Variants in LEPR observed in about 807,000 individuals in gnomAD.
LEPR encodes the protein OB receptor.
Under a neutral mutation model 114.7 loss-of-function variants are expected in LEPR, and 56 were observed. That is an observed-to-expected ratio of 0.49 (90% confidence interval 0.39 to 0.61). The LOEUF is 0.61. LEPR is among the 20% of genes least tolerant of loss of function. The probability of loss-of-function intolerance (pLI) is 0.00; values close to 1 mark genes in which losing one functional copy is unlikely to be tolerated. For synonymous variants in LEPR, 443 were observed against 461.4 expected (o/e 0.96, Z 0.51); for missense variants, 1,202 against 1,352.9 (o/e 0.89, Z 1.75).
chr1:65,483,134 C>G (rs1204634942), intron 2 of LEPR, among the ~76,000 whole-genome samples: 2 of 152,110 alleles, frequency 1.3e-5, no homozygotes, highest in South Asian at 2.1e-4. Context: ...CATTAAGAAC[C>G]TCTGTTCATC....
chr1:65,477,239 A>G (rs1647169625), intron 2 of LEPR, among the ~76,000 whole-genome samples: 1 of 151,990 alleles, frequency 6.6e-6, no homozygotes, highest in African/African-American at 2.4e-5. Context: ...TTACTTTTTA[A>G]TTTACTTTGC....
chr1:65,463,387 T>G (rs1646970455), intron 2 of LEPR, among the ~76,000 whole-genome samples: 1 of 152,236 alleles, frequency 6.6e-6, no homozygotes, highest in East Asian at 1.9e-4. Context: ...TCTATATCTC[T>G]GTTTTGGTAC....
chr1:65,494,805 C>A (rs887262245), intron 2 of LEPR, among the ~76,000 whole-genome samples: 19 of 152,066 alleles, frequency 1.2e-4, no homozygotes, highest in Non-Finnish European at 1.9e-4. Context: ...GGAAATATCA[C>A]AACCCTTCCA....
rs937591370 is a variant in LEPR at position 65,601,849 on chromosome 1, A to G, written c.1292A>G (p.Asn431Ser). Residue 431 changes from asparagine (N) to serine (S), a missense_variant, in exon 10 of 20, where the codon AAT becomes AGT. By Grantham distance (46) the Asn-to-Ser change is conservative. Transcript: ENST00000349533. Reference protein sequence around the residue: ...RYAELYVIDVNINISCETDGY... With the variant: ...RYAELYVIDVSINISCETDGY... ...TTTAATATGTTTCAAATAGATGTCA[A>G]TATCAATATCTCATGTGAAACTGAT... 25 of 1,612,370 alleles carry G rather than the reference A, an allele frequency of 1.6e-5. No homozygotes were observed. The highest frequency in any genetic ancestry group is 1.9e-5 in the Non-Finnish European group (22 of 1,178,702).
At chr1:65,472,770 T>C (rs1647103910) in intron 2 of LEPR, among the ~76,000 whole-genome samples, 1 of 152,094 alleles carries the variant, frequency 6.6e-6, no homozygotes, top group African/African-American at 2.4e-5. Context: ...TTGTCCGGCT[T>C]CTGGAAAGGA....
chr1:65,465,662 G>A (rs1477268761), intron 2 of LEPR, among the ~76,000 whole-genome samples: 2 of 152,150 alleles, frequency 1.3e-5, no homozygotes. Flanking sequence ...GGGAGTCTAA[G>A]TCTCTTTGTA....
intron 4 of LEPR, 35 bp downstream of exon 4, chr1:65,570,837 A>AT: frequency 6.7e-7 from 1 of 1,481,494 alleles, no homozygotes. Flanking sequence ...GTATTGAACA[A>AT]TGTTTTTTAA....
chr1:65,455,040 C>T (rs1427141156), intron 2 of LEPR, among the ~76,000 whole-genome samples: 3 of 152,204 alleles, frequency 2.0e-5, no homozygotes, highest in Non-Finnish European at 4.4e-5. Context: ...ACTTCATCTT[C>T]CATCGCTGAT....
chr1:65,497,107 A>G (rs1397188297), intron 2 of LEPR, among the ~76,000 whole-genome samples: 1 of 152,124 alleles, frequency 6.6e-6, no homozygotes, highest in Non-Finnish European at 1.5e-5. Context: ...AACATTTCTT[A>G]AGAGCATATT....
At chr1:65,485,863 C>T (rs1175974474) in intron 2 of LEPR, among the ~76,000 whole-genome samples, 3 of 152,040 alleles carry the variant, frequency 2.0e-5, no homozygotes, top group South Asian at 2.1e-4. Context: ...TGGGGAATGA[C>T]GTAATTAAGC....
At chr1:65,456,311 A>G (rs918866710) in intron 2 of LEPR, among the ~76,000 whole-genome samples, 2 of 151,806 alleles carry the variant, frequency 1.3e-5, no homozygotes, top group African/African-American at 4.8e-5. Flanking sequence ...TCCTCCCCCC[A>G]TAGATGTTAA....
At chr1:65,571,654 TA>T (rs377763359) in intron 4 of LEPR, among the ~76,000 whole-genome samples, 2,052 of 131,190 alleles carry the variant, frequency 0.016, 29 homozygotes, top group African/African-American at 0.041. Flanking sequence ...TGTCTAATGT[TA>T]AAAAAAAAAA....
At position 65,488,159 on chromosome 1, in the gene LEPR, CCTTTCTTTCTTT is replaced by C. The variant is rs71058410; in HGVS notation, c.-21+62824_-21+62835del. On this transcript the variant is annotated intron_variant, in intron 2 of 19. Coordinates refer to ENST00000349533, the MANE Select transcript of LEPR (RefSeq NM_002303.6). ...CCTCCCTCTCCTTCCTTCCTTCCTT[CCTTTCTTTCTTT>C]CTTTCTTTCTTTCTTTCTTTCTTTC... 5.7e-3 allele frequency among the ~76,000 whole-genome samples: 370 copies of C among 65,474 alleles called. 3 individuals carry two copies. The highest frequency in any genetic ancestry group is 7.4e-3 in the Non-Finnish European group (278 of 37,628). 43.0% of individuals were successfully genotyped at this position (65,474 alleles called of 152,430 possible).
At chr1:65,507,209 C>A (rs1434331451) in intron 2 of LEPR, among the ~76,000 whole-genome samples, 1 of 151,982 alleles carries the variant, frequency 6.6e-6, no homozygotes, top group Non-Finnish European at 1.5e-5. Context: ...CGCCACCACG[C>A]CTGGTTAATT....
chr1:65,632,942 T>A (rs1658583029), intron 19 of LEPR, among the ~76,000 whole-genome samples: 1 of 151,972 alleles, frequency 6.6e-6, no homozygotes, highest in African/African-American at 2.4e-5. Flanking sequence ...GTCCTTAGAG[T>A]GTGATATTAA....
rs180999075 is a variant in LEPR, at chr1:65,638,895, C to A, written c.*1880C>A. The A allele has an allele frequency of 2.6e-5, 4 of 152,048 alleles. No individual in the cohort carries two copies. Among genetic ancestry groups the A allele is most frequent in the African/African-American group, 9.6e-5 (4 of 41,484 alleles). The allele number at this position is 152,048 out of a possible 1,614,324, so 9.4% of individuals were successfully genotyped here. A position where few individuals can be genotyped will look rare whatever the true frequency, so the allele number is the denominator to read the frequency against. ...GGATAATTTTACATGGCTTTAGAGA[C>A]ACAGAAACAGATAAATTATTACATG... is the stretch of plus-strand genomic sequence containing the variant. On this transcript the variant is annotated 3_prime_UTR_variant, in exon 20 of 20. Transcript: ENST00000349533.
In LEPR at chr1:65,621,258, A is replaced by G. The variant is rs1434257010; in HGVS notation, c.2492-95A>G. ...TTTTGAAGGTAATAAGAGATTTGTG[A>G]TGAATTCAGAAAATGTCTACTATAA... On this transcript the variant is annotated intron_variant, in intron 17 of 19. Coordinates refer to ENST00000349533, the MANE Select transcript of LEPR (RefSeq NM_002303.6). The G allele has an allele frequency of 3.0e-6, 3 of 1,010,034 alleles. No individual in the cohort carries two copies. In the Admixed American group the frequency reaches 6.2e-5, roughly 21 times the overall value. The allele number at this position is 1,010,034 out of a possible 1,614,324, so 62.6% of individuals were successfully genotyped here.
At position 65,474,308 on chromosome 1, in the gene LEPR, T is replaced by C. The variant is rs549415875; in HGVS notation, c.-21+48930T>C. Among the ~76,000 whole-genome samples the C allele has an allele frequency of 2.6e-4, 39 of 152,370 alleles. 1 individual carries two copies. The highest frequency in any genetic ancestry group is 1.7e-3 in the Admixed American group (26 of 15,302). ...ACACCTGGGGCTCAGCACTAGCCTTTCCCCAGTGTACTTAAGCCCTCTGTG... is the reference window on the plus strand; with the variant it reads ...ACACCTGGGGCTCAGCACTAGCCTTCCCCCAGTGTACTTAAGCCCTCTGTG... On this transcript the variant is annotated intron_variant, in intron 2 of 19. Transcript: ENST00000349533.
At position 65,616,174 on chromosome 1, in the gene LEPR, G is replaced by T; in HGVS notation, c.2162G>T (p.Gly721Val). 1 of 1,614,078 alleles carries T rather than the reference G, an allele frequency of 6.2e-7. No individual in the cohort carries two copies. The highest frequency in any genetic ancestry group is 8.5e-7 in the Non-Finnish European group (1 of 1,179,972). The change falls in exon 15 of 20, where the codon GGT (glycine) becomes GTT (valine). Residue 721 changes from glycine to valine, a missense_variant. Physicochemically the swap from Gly to Val is moderately radical, Grantham distance 109 (BLOSUM62 -3). Transcript: ENST00000349533. ...TVTVLAINSIGASVANFNLTF... is the reference protein window; with the variant it reads ...TVTVLAINSIVASVANFNLTF... Reference sequence around the variant, plus strand: ...ACGGTTCTGGCCATCAATTCAATTGGTGCTTCTGTTGCAAATTTTAATTTA... The same window carrying T: ...ACGGTTCTGGCCATCAATTCAATTGTTGCTTCTGTTGCAAATTTTAATTTA...
Sources: gnomAD v4.1 joint callset for allele counts (sites outside exome capture counted in the v4.1 genomes callset) on GRCh38, gnomAD v4.1.1 for gene constraint, MANE v1.5 for transcripts, NCBI Gene and HGNC (gene_info 2026-07-23, HGNC 2026-07-21) for gene names.